MYT1: variants seen among roughly 807,000 people sequenced by gnomAD.
The protein encoded by MYT1 is myelin transcription factor 1.
A neutral mutation model predicts 123.0 loss-of-function variants in MYT1; 23 were observed. That is an observed-to-expected ratio of 0.19 (90% confidence interval 0.13 to 0.26). The LOEUF (loss-of-function observed/expected upper bound fraction) is 0.26, where lower values mean the gene tolerates loss of function less well. MYT1 is among the 10% of genes least tolerant of loss of function. The pLI is 1.00. For missense variants in MYT1, 1,125 were observed against 1,472.5 expected (o/e 0.76, Z 3.86); for synonymous variants, 518 against 575.3 (o/e 0.90, Z 1.43).
rs780475648 is a variant in MYT1, at chr20:64,218,881, A to G, written c.1847-30A>G. The stretch of plus-strand genomic sequence containing the variant: ...CCCAGGCACAGCCCCTCCAGTAGTT[A>G]TGTGAGGAGCACTTCATCCTCTTCT... On this transcript the variant is annotated intron_variant, in intron 11 of 22. Transcript: ENST00000328439. This position sits in a 1 kb window ranked among gnomAD's most constrained non-coding sequence, Gnocchi z 4.0. The G allele has an allele frequency of 2.5e-6, 4 of 1,612,772 alleles. No individual in the cohort carries two copies. Among genetic ancestry groups the G allele is most frequent in the Non-Finnish European group, 3.4e-6 (4 of 1,180,022 alleles).
At position 64,218,505 on chromosome 20, in the gene MYT1, G is replaced by A. The variant is rs534585012; in HGVS notation, c.1847-406G>A. Among the ~76,000 whole-genome samples the A allele has an allele frequency of 5.3e-5, 8 of 152,304 alleles. No individual in the cohort carries two copies. Among genetic ancestry groups the A allele is most frequent in the African/African-American group, 1.9e-4 (8 of 41,550 alleles). On this transcript the variant is annotated intron_variant, in intron 11 of 22. Transcript: ENST00000328439. The surrounding 1 kb of genome is among the most constrained non-coding windows in gnomAD (Gnocchi z 4.0). The stretch of plus-strand genomic sequence containing the variant: ...ATGGCAAACACTCATCCTATTCACA[G>A]AATGCTTCAGTTTCTGATAGACAAG...
chr20:64,217,246 T>A lies in MYT1; in HGVS notation c.1811T>A (p.Ile604Asn). Reference protein sequence around the residue: ...VFGKRMLAPKIQTSETSPKAF... With the variant: ...VFGKRMLAPKNQTSETSPKAF... ...GGCAAACGCATGCTTGCCCCAAAGA[T>A]TCAGACCAGCGAAACCTCACCTAAA... Residue 604 changes from isoleucine to asparagine, a missense_variant, in exon 11 of 23, where the codon ATT (isoleucine) becomes AAT (asparagine). Transcript: ENST00000328439. The A allele has an allele frequency of 6.2e-7, 1 of 1,614,246 alleles. No homozygotes were observed. The highest frequency in any genetic ancestry group is 8.5e-7 in the Non-Finnish European group (1 of 1,180,048).
At chr20:64,240,068 G>C (rs970201730) in intron 22 of MYT1, among the ~76,000 whole-genome samples, 165 bp downstream of exon 22, 1 of 152,242 alleles carries the variant, frequency 6.6e-6, no homozygotes, top group Non-Finnish European at 1.5e-5. Context: ...GCTGTTGGCT[G>C]TGGTGGGTTT....
At chr20:64,235,017 C>T (rs1984467040) in intron 19 of MYT1, among the ~76,000 whole-genome samples, 1 of 147,806 alleles carries the variant, frequency 6.8e-6, no homozygotes, top group Admixed American at 6.7e-5. Context: ...GTGGGTGACC[C>T]TGGGATGGTC....
intron 16 of MYT1, among the ~76,000 whole-genome samples, chr20:64,224,275 G>A (rs1200186915): frequency 6.6e-6 from 1 of 152,196 alleles, no homozygotes; most frequent in Non-Finnish European, 1.5e-5. Flanking sequence ...CTGAATCCAG[G>A]TCAACACACC....
intron 17 of MYT1, 55 bp downstream of exon 17, chr20:64,227,532 T>C: frequency 1.3e-6 from 2 of 1,500,718 alleles, no homozygotes; most frequent in Admixed American, 1.8e-5. Flanking sequence ...GGGAGTCTCT[T>C]CCTTATATGA....
In MYT1 at chr20:64,180,078, C is replaced by T. The variant is rs1282688704; in HGVS notation, c.-98-9985C>T. 2.0e-5 allele frequency among the ~76,000 whole-genome samples: 3 copies of T among 149,718 alleles called. No individual in the cohort carries two copies. In the East Asian group the frequency reaches 5.8e-4, roughly 29 times the overall value. On this transcript the variant is annotated intron_variant, in intron 1 of 22. Transcript: ENST00000328439. Reference sequence around the variant, plus strand: ...CAGTTACACACCACACGCAGTTACACACACATGCTACACACAGGTACATGC... The same window carrying T: ...CAGTTACACACCACACGCAGTTACATACACATGCTACACACAGGTACATGC...
intron 1 of MYT1, among the ~76,000 whole-genome samples, chr20:64,179,471 G>T (rs1400174244): frequency 6.6e-6 from 1 of 152,216 alleles, no homozygotes; most frequent in African/African-American, 2.4e-5. Context: ...TATTTGGGGG[G>T]AAGGTACTTT....
chr20:64,170,878 TATATATAGAGAGAGAGAGAG>T (rs1438528226), intron 1 of MYT1, among the ~76,000 whole-genome samples: 13 of 55,628 alleles, frequency 2.3e-4, no homozygotes, highest in African/African-American at 7.5e-4. Flanking sequence ...TATATATATA[TATATATAGAGAGAGAGAGAG>T]AGAGAGAGAG....
intron 17 of MYT1, among the ~76,000 whole-genome samples, 174 bp from the exon 18 acceptor site, chr20:64,227,714 C>A (rs558816552): frequency 1.3e-5 from 2 of 152,214 alleles, no homozygotes; most frequent in African/African-American, 4.8e-5. Context: ...CCTGCTGCCT[C>A]GTGTGAAGGC....
chr20:64,177,398 A>G (rs747598000), intron 1 of MYT1, among the ~76,000 whole-genome samples: 2 of 151,468 alleles, frequency 1.3e-5, no homozygotes, highest in Non-Finnish European at 2.9e-5. Context: ...AAAAGGAAAG[A>G]AAAAGAGCAA....
intron 6 of MYT1, 100 bp from the exon 7 acceptor site, chr20:64,207,494 T>G: frequency 6.6e-7 from 1 of 1,525,928 alleles, no homozygotes; most frequent in Non-Finnish European, 8.8e-7. Context: ...AAAGAGTGAG[T>G]GGTAGGTCAG....
intron 16 of MYT1, among the ~76,000 whole-genome samples, chr20:64,225,587 G>C (rs1281685355): frequency 2.0e-5 from 3 of 152,212 alleles, no homozygotes; most frequent in Non-Finnish European, 4.4e-5. Flanking sequence ...ATGGGGCTTA[G>C]AGAGGTGAGA....
chr20:64,178,976 C>T (rs57216147), intron 1 of MYT1, among the ~76,000 whole-genome samples: 10 of 136,548 alleles, frequency 7.3e-5, no homozygotes, highest in East Asian at 4.9e-4. Context: ...AGCCGTTATT[C>T]GGTGAGATAC....
In MYT1 at chr20:64,190,442, G is replaced by C. The variant is rs182406486; in HGVS notation, c.-1+282G>C. ...TAATCCCAGCACTTTGGGAGGCTGAGGCAGGTGGATCACTTGAGGTCAAGA... is the reference window on the plus strand; with the variant it reads ...TAATCCCAGCACTTTGGGAGGCTGACGCAGGTGGATCACTTGAGGTCAAGA... On this transcript the variant is annotated intron_variant, in intron 2 of 22. Coordinates refer to ENST00000328439, the MANE Select transcript of MYT1 (RefSeq NM_004535.3). This position sits in a 1 kb window ranked among gnomAD's most constrained non-coding sequence, Gnocchi z 4.1. Among the ~76,000 whole-genome samples the C allele has an allele frequency of 3.8e-4, 58 of 152,368 alleles. 1 individual carries two copies. The East Asian group carries it at 0.011, about 29-fold the overall frequency.
chr20:64,223,014 G>C, intron 14 of MYT1, 97 bp from the exon 15 acceptor site: 1 of 1,418,606 alleles, frequency 7.0e-7, no homozygotes. Flanking sequence ...TCGCGGGTGA[G>C]CCAGGAGTGG....
chr20:64,187,945 G>T (rs1486031260), intron 1 of MYT1, among the ~76,000 whole-genome samples: 1 of 152,182 alleles, frequency 6.6e-6, no homozygotes, highest in African/African-American at 2.4e-5. Flanking sequence ...GCTGCCTCAG[G>T]GAGGCAGGAG....
chr20:64,227,825 G>A (rs1168502719), intron 17 of MYT1, 63 bp from the exon 18 acceptor site: 3 of 1,163,784 alleles, frequency 2.6e-6, no homozygotes, highest in South Asian at 1.3e-5. Context: ...AGGGTGAGAT[G>A]AACGGGTGTG....
chr20:64,170,701 G>A (rs1204939467), intron 1 of MYT1, among the ~76,000 whole-genome samples: 3 of 150,468 alleles, frequency 2.0e-5, no homozygotes, highest in Non-Finnish European at 3.0e-5. Flanking sequence ...CTTATTTAGA[G>A]TTTTGTGCTT....
Sources: gnomAD v4.1 joint callset for allele counts (sites outside exome capture counted in the v4.1 genomes callset) on GRCh38, gnomAD v4.1.1 for gene constraint, Gnocchi (gnomAD v3.1) non-coding constraint, MANE v1.5 for transcripts, NCBI Gene and HGNC (gene_info 2026-07-23, HGNC 2026-07-21) for gene names.